The following CFLAR variants were observed in gnomAD, a reference collection of about 807,000 sequenced individuals.
CFLAR encodes the protein CASP8 and FADD like apoptosis regulator.
A neutral mutation model predicts 51.1 loss-of-function variants in CFLAR; 14 were observed. The ratio of observed to expected loss-of-function variants is 0.27; its 90% CI spans 0.18 to 0.43. The LOEUF is 0.43. Among genes scored for constraint, CFLAR ranks in the 20% least tolerant of loss-of-function variants. CFLAR has a pLI of 1.00. For synonymous variants in CFLAR, 210 were observed against 211.6 expected, an observed-to-expected ratio of 0.99 and a Z score of 0.06; for missense variants, 390 against 566.5, an observed-to-expected ratio of 0.69 and a Z score of 3.16.
intron 5 of CFLAR, 141 bp downstream of exon 5, chr2:201,140,580 G>C: frequency 1.7e-6 from 1 of 600,710 alleles, no homozygotes; most frequent in Admixed American, 3.9e-5. Context: ...TTAAAAACGT[G>C]TAACTTCTTA....
chr2:201,121,607 T>C (rs2048191036), intron 1 of CFLAR, among the ~76,000 whole-genome samples: 1 of 152,226 alleles, frequency 6.6e-6, no homozygotes, highest in Non-Finnish European at 1.5e-5. Context: ...GAATGCTATA[T>C]AAAAGTAATT....
At chr2:201,129,163 G>A (rs1361927662) in intron 1 of CFLAR, among the ~76,000 whole-genome samples, 1 of 152,166 alleles carries the variant, frequency 6.6e-6, no homozygotes, top group Non-Finnish European at 1.5e-5. Flanking sequence ...GGCAGCAGAG[G>A]TTTCTGCCCT....
Position 201,152,526 on chromosome 2 carries a change from A to G in CFLAR, c.793+2691A>G, listed in dbSNP as rs565079125. On this transcript the variant is annotated intron_variant, in intron 8 of 9. Transcript: ENST00000309955. ...CATTATTTCCTCATTTGCTTGTTCA[A>G]TTCTAGCCATAAACCACCTAAGCAA... is the stretch of plus-strand genomic sequence containing the variant. 3.3e-5 allele frequency among the ~76,000 whole-genome samples: 5 copies of G among 152,222 alleles called. No homozygotes were observed. The East Asian group carries it at 5.8e-4, about 18-fold the overall frequency.
Position 201,138,706 on chromosome 2 carries a change from G to T in CFLAR, c.524-1651G>T, listed in dbSNP as rs762605434. On this transcript the variant is annotated intron_variant, in intron 4 of 9. Coordinates refer to ENST00000309955, the MANE Select transcript of CFLAR (RefSeq NM_003879.7). This position sits in a 1 kb window ranked among gnomAD's most constrained non-coding sequence, Gnocchi z 4.0. The stretch of plus-strand genomic sequence containing the variant: ...GTGTGCAAGGGGCTCAGCACCACGG[G>T]GTGTGTGATAAAGCCCGGTTCAAAC... 2 of 821,558 alleles carry T rather than the reference G, an allele frequency of 2.4e-6. No homozygotes were observed. The highest frequency in any genetic ancestry group is 2.4e-5 in the East Asian group (1 of 41,368). The allele number at this position is 821,558 out of a possible 1,614,324, so 50.9% of individuals were successfully genotyped here. A position where few individuals can be genotyped will look rare whatever the true frequency, so the allele number is the denominator to read the frequency against.
intron 6 of CFLAR, chr2:201,148,687 T>C (rs1041988101): frequency 1.0e-5 from 3 of 295,282 alleles, no homozygotes; most frequent in African/African-American, 6.4e-5. Flanking sequence ...GTGAGGTTAT[T>C]AGATTCTCCT....
chr2:201,121,482 A>T (rs2125598940), intron 1 of CFLAR, among the ~76,000 whole-genome samples: 1 of 152,330 alleles, frequency 6.6e-6, no homozygotes, highest in African/African-American at 2.4e-5. Context: ...ATGAGTAGGT[A>T]CCAGGGATGG....
chr2:201,123,721 A>G (rs1431759915), intron 1 of CFLAR, among the ~76,000 whole-genome samples: 1 of 152,182 alleles, frequency 6.6e-6, no homozygotes, highest in Non-Finnish European at 1.5e-5. Flanking sequence ...ATTTTATGTC[A>G]TTTTATAACT....
chr2:201,161,046 G>A (rs1183712414), intron 9 of CFLAR, 104 bp downstream of exon 9: 2 of 793,872 alleles, frequency 2.5e-6, no homozygotes, highest in Non-Finnish European at 2.0e-6. Context: ...TCTTCCGGGA[G>A]GAAAAGAGAT....
chr2:201,132,813 T>C lies in CFLAR; in HGVS notation c.282-216T>C. On this transcript the variant is annotated intron_variant, in intron 2 of 9. Transcript: ENST00000309955. Reference sequence around the variant, plus strand: ...GTTAGTTGGCAAAGGATGTACCATCTCCTATTAAACGGGCAAGGACAAGTT... The same window carrying C: ...GTTAGTTGGCAAAGGATGTACCATCCCCTATTAAACGGGCAAGGACAAGTT... 9.7e-6 allele frequency: 4 copies of C among 412,650 alleles called. No individual in the cohort carries two copies. In the Admixed American group the frequency reaches 1.2e-4, roughly 13 times the overall value. The allele number at this position is 412,650 out of a possible 1,614,324, so 25.6% of individuals were successfully genotyped here.
At chr2:201,139,974 T>C (rs1011451521) in intron 4 of CFLAR, 1 of 247,556 alleles carries the variant, frequency 4.0e-6, no homozygotes, top group Non-Finnish European at 8.1e-6. Context: ...TTCAGCGCAG[T>C]GAACCCGTCC....
rs1330670619 is a variant in CFLAR at position 201,175,476 on chromosome 2, T to G, written c.*11503T>G. 6.6e-6 allele frequency: 1 copy of G among 152,592 alleles called. No individual in the cohort carries two copies. The highest frequency in any genetic ancestry group is 6.6e-5 in the Admixed American group (1 of 15,252). The allele number at this position is 152,592 out of a possible 1,614,324, so 9.5% of individuals were successfully genotyped here. ...CTGTCTCTACTAAAAATACAAAAAT[T>G]AGCTGGGTATGGTAGCATGCGCCTG... On this transcript the variant is annotated 3_prime_UTR_variant, in exon 10 of 10. Transcript: ENST00000309955.
chr2:201,176,278 C>CGGG lies in CFLAR; in HGVS notation c.*12315_*12317dup, dbSNP rs150924424. 1.1e-4 allele frequency: 4 copies of CGGG among 37,710 alleles called. No individual in the cohort carries two copies. Among genetic ancestry groups the CGGG allele is most frequent in the African/African-American group, 3.2e-4 (2 of 6,322 alleles). The allele number at this position is 37,710 out of a possible 1,614,324, so 2.3% of individuals were successfully genotyped here. A position where few individuals can be genotyped will look rare whatever the true frequency, so the allele number is the denominator to read the frequency against. On this transcript the variant is annotated 3_prime_UTR_variant, in exon 10 of 10. Coordinates refer to ENST00000309955, the MANE Select transcript of CFLAR (RefSeq NM_003879.7). ...GATCAGTCTCAGGTGTTTTCTATTG[C>CGGG]GGGGGGGGGGGGCGGGCGGGGGAGC...
chr2:201,120,683 A>G (rs1261370040), intron 1 of CFLAR, among the ~76,000 whole-genome samples: 1 of 152,224 alleles, frequency 6.6e-6, no homozygotes, highest in African/African-American at 2.4e-5. Flanking sequence ...GAGTTTCTTT[A>G]GTCATGTGAC....
At chr2:201,161,803 G>T (rs1943062841) in intron 9 of CFLAR, among the ~76,000 whole-genome samples, 1 of 143,322 alleles carries the variant, frequency 7.0e-6, no homozygotes, top group Non-Finnish European at 1.5e-5. Flanking sequence ...CTGGAGTACA[G>T]TGGCATGATC....
Position 201,175,301 on chromosome 2 carries a change from TG to T in CFLAR, c.*11332del, listed in dbSNP as rs998634137. On this transcript the variant is annotated 3_prime_UTR_variant, in exon 10 of 10. Coordinates refer to ENST00000309955, the MANE Select transcript of CFLAR (RefSeq NM_003879.7). ...GACCTCTTGGGCTGAGCCTTAACCT[TG>T]GGGTACTTTTGCCTATAACAAACAT... 29 of 152,372 alleles carry T rather than the reference TG, an allele frequency of 1.9e-4. No individual in the cohort carries two copies. The highest frequency in any genetic ancestry group is 7.0e-4 in the African/African-American group (29 of 41,584). The allele number at this position is 152,372 out of a possible 1,614,324, so 9.4% of individuals were successfully genotyped here. A position where few individuals can be genotyped will look rare whatever the true frequency, so the allele number is the denominator to read the frequency against.
At chr2:201,159,213 A>T (rs1040420112) in intron 8 of CFLAR, among the ~76,000 whole-genome samples, 9 of 151,936 alleles carry the variant, frequency 5.9e-5, no homozygotes, top group Non-Finnish European at 1.2e-4. Context: ...GCAACCTGTG[A>T]ATCATGTCTC....
At chr2:201,143,292 G>A (rs912399915) in intron 5 of CFLAR, 2 of 151,750 alleles carry the variant, frequency 1.3e-5, no homozygotes, top group African/African-American at 4.8e-5. Context: ...GACCAACATG[G>A]AGAAACCCTG....
intron 1 of CFLAR, among the ~76,000 whole-genome samples, chr2:201,122,192 C>T (rs547083058): frequency 2.6e-5 from 4 of 152,340 alleles, no homozygotes; most frequent in Admixed American, 1.3e-4. Context: ...TTCCAAACAT[C>T]CCCTTGGTTG....
chr2:201,130,185 G>GT, intron 2 of CFLAR, 39 bp downstream of exon 2: 2 of 911,518 alleles, frequency 2.2e-6, no homozygotes, highest in Non-Finnish European at 3.2e-6. Flanking sequence ...GTGGGTGGGA[G>GT]GGAGTGAAGT....
Sources: allele counts gnomAD v4.1 joint callset (sites outside exome capture counted in the v4.1 genomes callset), GRCh38; gene constraint gnomAD v4.1.1; non-coding constraint Gnocchi (gnomAD v3.1); transcripts MANE v1.5; gene names NCBI Gene and HGNC (gene_info 2026-07-23, HGNC 2026-07-21).